SDK1: variants seen among roughly 807,000 people sequenced by gnomAD.
SDK1 encodes the protein sidekick cell adhesion molecule 1, also known as protein sidekick-1.
In SDK1, 157 loss-of-function variants were observed where a neutral mutation model predicts 245.5. The ratio of observed to expected loss-of-function variants is 0.64; its 90% CI spans 0.56 to 0.73. The LOEUF (loss-of-function observed/expected upper bound fraction) is 0.73, where lower values mean the gene tolerates loss of function less well. SDK1 is among the 30% of genes least tolerant of loss of function. SDK1 has a pLI of 0.00. For synonymous variants in SDK1, 1,647 were observed against 1,278.5 expected, an observed-to-expected ratio of 1.29 and a Z score of -6.15; for missense variants, 3,583 against 3,002.3, an observed-to-expected ratio of 1.19 and a Z score of -4.52.
At chr7:3,403,869 A>ATATTTT (rs1554266408) in intron 1 of SDK1, among the ~76,000 whole-genome samples, 2,139 of 88,866 alleles carry the variant, frequency 0.024, 135 homozygotes, top group African/African-American at 0.091. Flanking sequence ...ATATATATAT[A>ATATTTT]ATATATATAT....
chr7:3,746,768 CACTT>C (rs1293745660), intron 4 of SDK1, among the ~76,000 whole-genome samples: 2 of 152,206 alleles, frequency 1.3e-5, no homozygotes, highest in Non-Finnish European at 2.9e-5. Context: ...ACCACATCTG[CACTT>C]ACTTCTTCCA....
chr7:3,406,092 C>T (rs761263990), intron 1 of SDK1, among the ~76,000 whole-genome samples: 11 of 152,114 alleles, frequency 7.2e-5, no homozygotes, highest in Non-Finnish European at 1.3e-4. Context: ...GGATTACAGG[C>T]GTGAGCCACC....
intron 5 of SDK1, among the ~76,000 whole-genome samples, chr7:3,838,385 G>A (rs1367367354): frequency 6.6e-6 from 1 of 152,210 alleles, no homozygotes; most frequent in African/African-American, 2.4e-5. Flanking sequence ...AGTGGGAATT[G>A]GAAGGTTTCC....
intron 4 of SDK1, among the ~76,000 whole-genome samples, chr7:3,672,766 T>TACATATATATATATATATATATATAC (rs1226753258): frequency 1.3e-5 from 1 of 74,292 alleles, no homozygotes; most frequent in Non-Finnish European, 2.6e-5. Context: ...ATTTTATATA[T>TACATATATATATATATATATATATAC]ATATATATAT....
intron 5 of SDK1, among the ~76,000 whole-genome samples, chr7:3,909,984 A>T (rs974177890): frequency 6.6e-6 from 1 of 152,234 alleles, no homozygotes; most frequent in African/African-American, 2.4e-5. Context: ...GGTTCATTTA[A>T]AATGTATAAA....
intron 1 of SDK1, among the ~76,000 whole-genome samples, chr7:3,364,230 A>C (rs1267481728): frequency 6.6e-6 from 1 of 152,216 alleles, no homozygotes; most frequent in African/African-American, 2.4e-5. Context: ...CTCACTCTGT[A>C]GACTCTATTT....
At chr7:4,000,811 C>T (rs868666409) in intron 14 of SDK1, among the ~76,000 whole-genome samples, 4 of 152,246 alleles carry the variant, frequency 2.6e-5, no homozygotes, top group East Asian at 1.9e-4. Flanking sequence ...TATTTTAGCT[C>T]GTCTTTCTTT....
intron 4 of SDK1, 138 bp from the exon 5 acceptor site, chr7:3,821,312 C>A: frequency 1.1e-6 from 1 of 927,176 alleles, no homozygotes; most frequent in Non-Finnish European, 1.6e-6. Flanking sequence ...TTAAAGTCGG[C>A]CTGTGTATTG....
intron 5 of SDK1, among the ~76,000 whole-genome samples, chr7:3,948,483 C>T (rs905406837): frequency 1.3e-5 from 2 of 152,208 alleles, no homozygotes; most frequent in South Asian, 2.1e-4. Flanking sequence ...AGGATGGTCT[C>T]GATCTCCTGA....
intron 1 of SDK1, among the ~76,000 whole-genome samples, chr7:3,398,768 GT>G (rs35147042): frequency 0.45 from 61,979 of 136,822 alleles, 14,455 homozygotes; most frequent in East Asian, 0.59. Context: ...GCCCCCAGTA[GT>G]TTTTTTTTTT....
intron 25 of SDK1, among the ~76,000 whole-genome samples, chr7:4,118,387 A>C (rs1200632547): frequency 1.3e-5 from 2 of 152,178 alleles, no homozygotes; most frequent in African/African-American, 4.8e-5. Context: ...ACCACTTCAC[A>C]CTCCTAAAAT....
At chr7:4,213,281 C>T (rs551885039) in intron 38 of SDK1, among the ~76,000 whole-genome samples, 1 of 152,206 alleles carries the variant, frequency 6.6e-6, no homozygotes, top group African/African-American at 2.4e-5. Flanking sequence ...GGCATGGTGG[C>T]ACGCACCTGT....
In SDK1 at chr7:4,265,280, G is replaced by T. The variant is rs776425840; in HGVS notation, c.6538G>T (p.Ala2180Ser). ...YEAVAGSEAG[A>S]QLHPVITTQS... ...GGCGGTGGCGGGCTCCGAGGCGGGC[G>T]CGCAGCTGCACCCGGTCATCACCAC... The change falls in exon 45 of 45, where the codon GCG becomes TCG. Residue 2180 changes from alanine to serine, a missense_variant. Transcript: ENST00000404826. 5.0e-6 allele frequency: 8 copies of T among 1,588,354 alleles called. No homozygotes were observed. Among genetic ancestry groups the T allele is most frequent in the Admixed American group, 3.4e-5 (2 of 58,492 alleles).
chr7:3,549,776 C>G lies in SDK1; in HGVS notation c.299-69304C>G, dbSNP rs543605282. ...TATTAATGCACGTCAAGGCACTGTTCTCTACCATTTCCTTCTGCTTGTTGC... is the reference window on the plus strand; with the variant it reads ...TATTAATGCACGTCAAGGCACTGTTGTCTACCATTTCCTTCTGCTTGTTGC... On this transcript the variant is annotated intron_variant, in intron 1 of 44. Coordinates refer to ENST00000404826, the MANE Select transcript of SDK1 (RefSeq NM_152744.4). Among the ~76,000 whole-genome samples, 183 of 152,216 alleles carry G rather than the reference C, an allele frequency of 1.2e-3. 1 individual carries two copies. Among genetic ancestry groups the G allele is most frequent in the African/African-American group, 4.2e-3 (175 of 41,530 alleles).
At chr7:3,994,262 C>T (rs1389012410) in intron 14 of SDK1, among the ~76,000 whole-genome samples, 2 of 152,204 alleles carry the variant, frequency 1.3e-5, no homozygotes, top group Non-Finnish European at 2.9e-5. Context: ...CACACATCTA[C>T]ACCTCCATGT....
At chr7:3,774,275 G>T (rs1278142428) in intron 4 of SDK1, among the ~76,000 whole-genome samples, 2 of 152,076 alleles carry the variant, frequency 1.3e-5, no homozygotes, top group East Asian at 1.9e-4. Flanking sequence ...ACTTTAGGTG[G>T]TTGGTAGAGG....
chr7:4,158,640 G>T (rs1007896999), intron 31 of SDK1, 89 bp downstream of exon 31: 9 of 873,454 alleles, frequency 1.0e-5, no homozygotes, highest in South Asian at 2.9e-5. Flanking sequence ...GAGCCAGAAA[G>T]GGGCCACCAG....
intron 33 of SDK1, among the ~76,000 whole-genome samples, chr7:4,175,131 C>CGG (rs1344619070): frequency 6.6e-6 from 1 of 152,244 alleles, no homozygotes; most frequent in Non-Finnish European, 1.5e-5. Context: ...AGTGCGCGGA[C>CGG]GGCAGCAGCT....
chr7:4,054,321 G>A (rs149609091), intron 19 of SDK1, among the ~76,000 whole-genome samples: 1,917 of 152,292 alleles, frequency 0.013, 43 homozygotes, highest in African/African-American at 0.038. Context: ...TGTACATTTA[G>A]CCCAGTTTCT....
Sources: gnomAD v4.1 joint callset for allele counts (sites outside exome capture counted in the v4.1 genomes callset) on GRCh38, gnomAD v4.1.1 for gene constraint, MANE v1.5 for transcripts, NCBI Gene and HGNC (gene_info 2026-07-23, HGNC 2026-07-21) for gene names.